CLK1: variants seen among roughly 807,000 people sequenced by gnomAD.
CLK1 encodes dual specificity protein kinase CLK1.
CLK1 carries 40 observed loss-of-function variants against 60.9 expected under a neutral mutation model. The observed-to-expected ratio is 0.66, with a 90% CI of 0.51 to 0.86. The LOEUF is 0.86. Ranked by LOEUF, CLK1 falls within the 40% of genes least tolerant of loss-of-function variation. The pLI, the probability that CLK1 is intolerant of heterozygous loss-of-function variation, is 0.00. For missense variants in CLK1, 563 were observed against 606.1 expected, an observed-to-expected ratio of 0.93 and a Z score of 0.75; for synonymous variants, 203 against 184.4, an observed-to-expected ratio of 1.10 and a Z score of -0.82.
At chr2:200,859,773 A>C in intron 4 of CLK1, 27 bp from the exon 5 acceptor site, 1 of 1,610,574 alleles carries the variant, frequency 6.2e-7, no homozygotes, top group East Asian at 2.2e-5. Flanking sequence ...AATCTCAGTC[A>C]TATCAAGAAG....
intron 5 of CLK1, among the ~76,000 whole-genome samples, chr2:200,858,557 C>G (rs535318008): frequency 1.3e-5 from 2 of 152,068 alleles, no homozygotes; most frequent in East Asian, 3.9e-4. Context: ...ATTAGCCAGG[C>G]ACGGTGGTGT....
At chr2:200,863,069 A>G (rs955370736) in intron 1 of CLK1, 5 of 152,238 alleles carry the variant, frequency 3.3e-5, no homozygotes, top group Non-Finnish European at 7.3e-5. Flanking sequence ...TGAAAAAGAC[A>G]TTATACAGAA....
At chr2:200,859,864 T>C in intron 4 of CLK1, 118 bp from the exon 5 acceptor site, 1 of 1,499,620 alleles carries the variant, frequency 6.7e-7, no homozygotes, top group South Asian at 1.3e-5. Context: ...TATCACTAGA[T>C]ATTTTATTGG....
At chr2:200,857,263 G>A (rs963267598) in intron 7 of CLK1, 25 of 387,356 alleles carry the variant, frequency 6.5e-5, no homozygotes, top group Non-Finnish European at 9.9e-5. Context: ...TGAAGACTGC[G>A]CCACTGCACT....
At chr2:200,854,936 G>GT in intron 10 of CLK1, 68 bp downstream of exon 10, 2 of 1,187,062 alleles carry the variant, frequency 1.7e-6, no homozygotes, top group Non-Finnish European at 1.2e-6. Context: ...GGAAGCAAAA[G>GT]TATTTATTCA....
At chr2:200,858,264 A>G in intron 5 of CLK1, 175 bp from the exon 6 acceptor site, 1 of 607,316 alleles carries the variant, frequency 1.6e-6, no homozygotes, top group Non-Finnish European at 3.0e-6. Flanking sequence ...TCATCAAACC[A>G]CCACTCACAT....
At chr2:200,857,231 G>C (rs539951110) in intron 7 of CLK1, 202 of 469,588 alleles carry the variant, frequency 4.3e-4, no homozygotes, top group Admixed American at 2.5e-4. Flanking sequence ...ACTTGAACTG[G>C]GGAGGCAGAG....
In CLK1 at chr2:200,859,691, G is replaced by A. The variant is rs140564180; in HGVS notation, c.537C>T (p.Ile179=). Residue 179 remains isoleucine, a synonymous_variant, in exon 5 of 13, where the codon ATC becomes ATT. Coordinates refer to ENST00000321356, the MANE Select transcript of CLK1 (RefSeq NM_004071.4). ...CATGGGAAACTTACGCTTTATGATC[G>A]ATGCACTCCACAACTTTTCCAAAAG... ...EGAFGKVVEC[I]DHKAGGRHVA... is the part of the protein sequence containing the mutation. The A allele has an allele frequency of 3.5e-5, 57 of 1,612,616 alleles. No individual in the cohort carries two copies. The South Asian group carries it at 4.1e-4, about 12-fold the overall frequency.
At chr2:200,856,411 G>A (rs13405189) in intron 9 of CLK1, among the ~76,000 whole-genome samples, 69,236 of 151,722 alleles carry the variant, frequency 0.46, 15,970 homozygotes, top group African/African-American at 0.51. Flanking sequence ...GTGAGCCACC[G>A]CGCCCCACCT....
At chr2:200,859,920 T>C (rs2039107342) in intron 4 of CLK1, 174 bp from the exon 5 acceptor site, 1 of 1,429,710 alleles carries the variant, frequency 7.0e-7, no homozygotes, top group Admixed American at 2.9e-5. Flanking sequence ...TTTCATTAAT[T>C]TGATTACTGT....
At position 200,858,040 on chromosome 2, in the gene CLK1, A is replaced by C. The variant is rs761245953; in HGVS notation, c.598T>G (p.Cys200Gly). 6.2e-7 allele frequency: 1 copy of C among 1,614,066 alleles called. No homozygotes were observed. Among genetic ancestry groups the C allele is most frequent in the Non-Finnish European group, 8.5e-7 (1 of 1,179,964 alleles). The change falls in exon 6 of 13, where the codon TGT becomes GGT. Residue 200 changes from cysteine (C) to glycine (G), a missense_variant. Around this residue, in one of 3 missense-constraint regions of CLK1, gnomAD observed 360 missense variants for 407.0 expected, o/e 0.88. Coordinates refer to ENST00000321356, the MANE Select transcript of CLK1 (RefSeq NM_004071.4). ...TGTATTTCTGAGCGAGCAGCTTCAC[A>C]GTATCTATCCACATTTTTAACTATT... ...VKIVKNVDRYCEAARSEIQVL... is the reference protein window; with the variant it reads ...VKIVKNVDRYGEAARSEIQVL...
rs2039102645 is a variant in CLK1 at position 200,859,671 on chromosome 2, G to A, written c.548+9C>T. The stretch of plus-strand genomic sequence containing the variant: ...TTCCCTAAAAGTAATCCCAACATGG[G>A]AAACTTACGCTTTATGATCGATGCA... On this transcript the variant is annotated intron_variant, in intron 5 of 12. Coordinates refer to ENST00000321356, the MANE Select transcript of CLK1 (RefSeq NM_004071.4). 6.2e-7 allele frequency: 1 copy of A among 1,609,426 alleles called. No homozygotes were observed. The highest frequency in any genetic ancestry group is 2.2e-5 in the East Asian group (1 of 44,710).
chr2:200,860,261 T>C (rs770573128), intron 3 of CLK1, 46 bp from the exon 4 acceptor site: 2 of 1,612,954 alleles, frequency 1.2e-6, no homozygotes, highest in Non-Finnish European at 1.7e-6. Context: ...AGCCAATCAA[T>C]ATACCCGAGT....
At chr2:200,863,388 G>A (rs1326820455) in intron 1 of CLK1, 2 of 151,660 alleles carry the variant, frequency 1.3e-5, no homozygotes, top group Non-Finnish European at 2.9e-5. Flanking sequence ...GAGAGACCCC[G>A]CCTCTATAAA....
At chr2:200,863,802 C>T (rs538038101) in intron 1 of CLK1, among the ~76,000 whole-genome samples, 4 of 152,174 alleles carry the variant, frequency 2.6e-5, no homozygotes, top group Non-Finnish European at 5.9e-5. Context: ...TGCAGTGACT[C>T]GAGATCGCGC....
rs764064858 is a variant in CLK1 at position 200,857,779 on chromosome 2, A to G, written c.771T>C (p.Phe257=). The G allele has an allele frequency of 4.3e-6, 7 of 1,613,050 alleles. No individual in the cohort carries two copies. The highest frequency in any genetic ancestry group is 5.9e-6 in the Non-Finnish European group (7 of 1,179,412). ...STYDFIKENG[F]LPFRLDHIRK... ...TGATATGATCCAGTCGAAATGGTAG[A>G]AAACCATTTTCTTTAATGAAGTCGT... Residue 257 remains phenylalanine (F), a synonymous_variant, in exon 7 of 13, where the codon TTT becomes TTC. Coordinates refer to ENST00000321356, the MANE Select transcript of CLK1 (RefSeq NM_004071.4).
rs1431273855 is a variant in CLK1, at chr2:200,858,094, T to C, written c.549-5A>G. 5 of 1,566,478 alleles carry C rather than the reference T, an allele frequency of 3.2e-6. No individual in the cohort carries two copies. The highest frequency in any genetic ancestry group is 4.4e-6 in the Non-Finnish European group (5 of 1,136,592). ...ACTGCTACATGTCTACCTCCCCTGT[T>C]AGAAAGATGCATGCAAATTTAAGAA... On this transcript the variant is annotated splice_polypyrimidine_tract_variant and splice_region_variant and intron_variant, in intron 5 of 12. Transcript: ENST00000321356.
intron 1 of CLK1, chr2:200,864,289 C>T (rs1452065404): frequency 2.7e-6 from 4 of 1,483,400 alleles, no homozygotes; most frequent in Admixed American, 4.9e-5. Context: ...CGTCAGGCGG[C>T]GCCGCTTCCT....
At chr2:200,862,790 T>TTA (rs2039162329) in intron 1 of CLK1, among the ~76,000 whole-genome samples, 1 of 152,214 alleles carries the variant, frequency 6.6e-6, no homozygotes, top group African/African-American at 2.4e-5. Flanking sequence ...GTAATCAGAG[T>TTA]TATATCTGAG....
Sources: gnomAD v4.1 joint callset for allele counts (sites outside exome capture counted in the v4.1 genomes callset) on GRCh38, gnomAD v4.1.1 for gene constraint, gnomAD v4.1.1 regional missense constraint, MANE v1.5 for transcripts, NCBI Gene and HGNC (gene_info 2026-07-23, HGNC 2026-07-21) for gene names.